Variants in RINL observed in about 807,000 individuals in gnomAD.
RINL encodes the protein Ras and Rab interactor like.
RINL carries 39 observed loss-of-function variants against 58.1 expected under a neutral mutation model. The ratio of observed to expected loss-of-function variants is 0.67; its 90% CI spans 0.52 to 0.88. The LOEUF (loss-of-function observed/expected upper bound fraction) is 0.88. RINL is among the 40% of genes least tolerant of loss of function. The probability of loss-of-function intolerance (pLI) is 0.00; values close to 1 mark genes in which losing one functional copy is unlikely to be tolerated. For synonymous variants in RINL, 286 were observed against 323.1 expected (o/e 0.89, Z 1.23); for missense variants, 711 against 749.2 (o/e 0.95, Z 0.60).
At chr19:38,872,780 A>G (rs1428438235) in intron 4 of RINL, among the ~76,000 whole-genome samples, 2 of 152,210 alleles carry the variant, frequency 1.3e-5, no homozygotes, top group African/African-American at 4.8e-5. Flanking sequence ...CCTAATGTAG[A>G]TCATGGGTTG....
chr19:38,871,928 C>T (rs1972825004), intron 4 of RINL, 58 bp from the exon 5 acceptor site: 3 of 1,308,958 alleles, frequency 2.3e-6, no homozygotes, highest in Admixed American at 3.7e-5. Flanking sequence ...GTTTTCTGTC[C>T]CCTGGGATGC....
rs1466001216 is a variant in RINL at position 38,869,733 on chromosome 19, A to C, written c.1343-29T>G. ...GGAAAACCAGAGGAAAGGTCTTGAG[A>C]TGGATCCCCATCTCAAGGCGCGTAG... On this transcript the variant is annotated intron_variant, in intron 9 of 11. Transcript: ENST00000591812. This position sits in a 1 kb window ranked among gnomAD's most constrained non-coding sequence, Gnocchi z 5.7. 15 of 1,612,742 alleles carry C rather than the reference A, an allele frequency of 9.3e-6. No homozygotes were observed. Among genetic ancestry groups the C allele is most frequent in the Admixed American group, 8.4e-5 (5 of 59,872 alleles).
chr19:38,871,255 C>T (rs1366208789), intron 6 of RINL, 28 bp from the exon 7 acceptor site: 41 of 1,613,450 alleles, frequency 2.5e-5, no homozygotes, highest in Non-Finnish European at 3.5e-5. Flanking sequence ...GAGAAGGTGT[C>T]CTAGGTATCC....
Position 38,870,016 on chromosome 19 carries a change from C to G in RINL, c.1269G>C (p.Pro423=). 6.3e-7 allele frequency: 1 copy of G among 1,580,554 alleles called. No individual in the cohort carries two copies. The highest frequency in any genetic ancestry group is 8.6e-7 in the Non-Finnish European group (1 of 1,166,062). The change falls in exon 9 of 12, where the codon CCG becomes CCC. Residue 423 remains proline (P), a synonymous_variant. Coordinates refer to ENST00000591812, the MANE Select transcript of RINL (RefSeq NM_001195833.2). The surrounding 1 kb of genome is among the most constrained non-coding windows in gnomAD (Gnocchi z 5.8). ...CCAAGAGGAGCGCCACCTTGCGGCGCGGGGCGCAGGCAGCGTGGAGGTGCG... is the reference window on the plus strand; with the variant it reads ...CCAAGAGGAGCGCCACCTTGCGGCGGGGGGCGCAGGCAGCGTGGAGGTGCG... ...RLAHLHAACA[P]RRKVALLLEV...
chr19:38,869,310 G>A lies in RINL; in HGVS notation c.1575C>T (p.Arg525=), dbSNP rs948506321. The part of the protein sequence containing the change: ...RAPRGLSSEA[R]ASLHQWHRRR... ...TGCGGTGCCACTGGTGCAGGGAGGC[G>A]CGGGCCTCGGAGCTGAGCCCCCGGG... The change falls in exon 11 of 12, where the codon CGC becomes CGT. Residue 525 remains arginine, a synonymous_variant. Coordinates refer to ENST00000591812, the MANE Select transcript of RINL (RefSeq NM_001195833.2). This position sits in a 1 kb window ranked among gnomAD's most constrained non-coding sequence, Gnocchi z 5.7. 6.2e-7 allele frequency: 1 copy of A among 1,614,096 alleles called. No homozygotes were observed. Among genetic ancestry groups the A allele is most frequent in the Admixed American group, 1.7e-5 (1 of 60,024 alleles).
At chr19:38,874,423 C>T (rs1390855180) in intron 3 of RINL, among the ~76,000 whole-genome samples, 1 of 152,170 alleles carries the variant, frequency 6.6e-6, no homozygotes, top group African/African-American at 2.4e-5. Context: ...CGGGCGACTG[C>T]CACCACGCCC....
Position 38,870,464 on chromosome 19 carries a change from G to T in RINL, c.1024+106C>A. 1 of 1,313,066 alleles carries T rather than the reference G, an allele frequency of 7.6e-7. No homozygotes were observed. The highest frequency in any genetic ancestry group is 1.0e-6 in the Non-Finnish European group (1 of 980,892). 81.3% of individuals were successfully genotyped at this position (1,313,066 alleles called of 1,614,324 possible). On this transcript the variant is annotated intron_variant, in intron 8 of 11. Transcript: ENST00000591812. This position sits in a 1 kb window ranked among gnomAD's most constrained non-coding sequence, Gnocchi z 5.8. The stretch of plus-strand genomic sequence containing the variant: ...ACGTGGGCGATAGAACGCGTGGGAT[G>T]TGTAGGAAGGGCGTGTGGGTGCAGA...
At position 38,869,876 on chromosome 19, in the gene RINL, C is replaced by A; in HGVS notation, c.1342+67G>T. 6.5e-7 allele frequency: 1 copy of A among 1,536,548 alleles called. No individual in the cohort carries two copies. The highest frequency in any genetic ancestry group is 8.8e-7 in the Non-Finnish European group (1 of 1,141,996). On this transcript the variant is annotated intron_variant, in intron 9 of 11. Transcript: ENST00000591812. This position sits in a 1 kb window ranked among gnomAD's most constrained non-coding sequence, Gnocchi z 5.7. Reference sequence around the variant, plus strand: ...GCATAGATTCCTCCCACCAGTGCTACCCTCTCCCGCCTGGCTCCAACTCTC... The same window carrying A: ...GCATAGATTCCTCCCACCAGTGCTAACCTCTCCCGCCTGGCTCCAACTCTC...
intron 1 of RINL, among the ~76,000 whole-genome samples, chr19:38,877,441 T>A (rs756858719): frequency 5.3e-5 from 8 of 152,158 alleles, no homozygotes; most frequent in Non-Finnish European, 1.2e-4. Context: ...GAGTAGGCAG[T>A]CCCTATATCT....
intron 1 of RINL, among the ~76,000 whole-genome samples, chr19:38,877,288 G>A (rs1179926145): frequency 6.6e-6 from 1 of 152,138 alleles, no homozygotes; most frequent in Non-Finnish European, 1.5e-5. Flanking sequence ...TGTGTCTTGC[G>A]GTGTGGGGAG....
At chr19:38,874,492 T>C (rs994542508) in intron 3 of RINL, among the ~76,000 whole-genome samples, 6 of 152,218 alleles carry the variant, frequency 3.9e-5, no homozygotes, top group Non-Finnish European at 8.8e-5. Context: ...CAGGCTAGTC[T>C]TGAACTCCTG....
In RINL at chr19:38,870,740, A is replaced by G. The variant is rs1161363036; in HGVS notation, c.854T>C (p.Ile285Thr). The G allele has an allele frequency of 7.4e-6, 12 of 1,613,274 alleles. No homozygotes were observed. Among genetic ancestry groups the G allele is most frequent in the Admixed American group, 1.7e-5 (1 of 59,976 alleles). The change falls in exon 8 of 12, where the codon ATC (isoleucine) becomes ACC (threonine). Residue 285 changes from isoleucine to threonine, a missense_variant. Transcript: ENST00000591812. This position sits in a 1 kb window ranked among gnomAD's most constrained non-coding sequence, Gnocchi z 5.8. ...ARQYRSLRVR[I>T]ASDSGGPHGS... ...GTGGGGACCCCCAGAATCTGAGGCGATGCGCACCCGAAGGCTTCGGTACTG... is the reference window on the plus strand; with the variant it reads ...GTGGGGACCCCCAGAATCTGAGGCGGTGCGCACCCGAAGGCTTCGGTACTG...
chr19:38,871,512 G>GC, intron 6 of RINL, 135 bp downstream of exon 6: 1 of 833,068 alleles, frequency 1.2e-6, no homozygotes, highest in Non-Finnish European at 1.9e-6. Flanking sequence ...CAAAGTCCAG[G>GC]CCCCCAGCTC....
chr19:38,871,567 G>T, intron 6 of RINL, 80 bp downstream of exon 6: 1 of 1,323,416 alleles, frequency 7.6e-7, no homozygotes, highest in South Asian at 1.3e-5. Flanking sequence ...CAGTAGTCTG[G>T]GCCCCAAAGC....
At position 38,868,985 on chromosome 19, in the gene RINL, A is replaced by G; in HGVS notation, c.*119T>C. On this transcript the variant is annotated 3_prime_UTR_variant, in exon 12 of 12. Coordinates refer to ENST00000591812, the MANE Select transcript of RINL (RefSeq NM_001195833.2). Reference sequence around the variant, plus strand: ...ATTTTTGTTTTTTTTTTTTTTTGGTAGATGGGGGTCCCACTGTTTTGCCCA... The same window carrying G: ...ATTTTTGTTTTTTTTTTTTTTTGGTGGATGGGGGTCCCACTGTTTTGCCCA... 3 of 682,530 alleles carry G rather than the reference A, an allele frequency of 4.4e-6. No homozygotes were observed. The highest frequency in any genetic ancestry group is 3.1e-5 in the South Asian group (1 of 31,922). The allele number at this position is 682,530 out of a possible 1,614,324, so 42.3% of individuals were successfully genotyped here.
chr19:38,869,126 A>G lies in RINL; in HGVS notation c.1679T>C (p.Val560Ala). 6.2e-7 allele frequency: 1 copy of G among 1,609,966 alleles called. No homozygotes were observed. Among genetic ancestry groups the G allele is most frequent in the South Asian group, 1.1e-5 (1 of 90,858 alleles). Residue 560 changes from valine to alanine, a missense_variant, in exon 12 of 12, where the codon GTG (valine) becomes GCG (alanine). Val to Ala is a moderately conservative substitution (Grantham distance 64, BLOSUM62 0). Transcript: ENST00000591812. This position sits in a 1 kb window ranked among gnomAD's most constrained non-coding sequence, Gnocchi z 5.7. ...PFKEPWAEET[V>A]TGTSDN ...CCCCTAGTTGTCACTGGTCCCTGTC[A>G]CAGTCTCTTCTGCCCATGGCTCCTT... is the stretch of plus-strand genomic sequence containing the variant.
At position 38,868,972 on chromosome 19, in the gene RINL, T is replaced by G. The variant is rs558206462; in HGVS notation, c.*132A>C. ...CCACGCCCGGCTAATTTTTGTTTTT[T>G]TTTTTTTTTGGTAGATGGGGGTCCC... On this transcript the variant is annotated 3_prime_UTR_variant, in exon 12 of 12. Transcript: ENST00000591812. 101 of 806,460 alleles carry G rather than the reference T, an allele frequency of 1.3e-4. No homozygotes were observed. Among genetic ancestry groups the G allele is most frequent in the Admixed American group, 5.1e-4 (17 of 33,606 alleles). 50.0% of individuals were successfully genotyped at this position (806,460 alleles called of 1,614,324 possible). A position where few individuals can be genotyped will look rare whatever the true frequency, so the allele number is the denominator to read the frequency against.
rs77507541 is a variant in RINL, at chr19:38,871,277, C to G, written c.452-50G>C. On this transcript the variant is annotated intron_variant, in intron 6 of 11. Transcript: ENST00000591812. The stretch of plus-strand genomic sequence containing the variant: ...TGTCCTAGGTATCCAAGGGACCAAC[C>G]CTGGTCCCCTCAAGGCGCCAGGAGA... The G allele has an allele frequency of 0.013, 20,640 of 1,599,288 alleles. 1,087 individuals are homozygous for G. The African/African-American group carries it at 0.16, about 13-fold the overall frequency.
intron 6 of RINL, 183 bp from the exon 7 acceptor site, chr19:38,871,410 C>T (rs971826229): frequency 2.1e-5 from 15 of 709,384 alleles, no homozygotes; most frequent in South Asian, 1.5e-4. Flanking sequence ...TAGGCCCAGG[C>T]GTCCGGGACC....
Sources: gnomAD v4.1 joint callset for allele counts (sites outside exome capture counted in the v4.1 genomes callset) on GRCh38, gnomAD v4.1.1 for gene constraint, Gnocchi (gnomAD v3.1) non-coding constraint, MANE v1.5 for transcripts, NCBI Gene and HGNC (gene_info 2026-07-23, HGNC 2026-07-21) for gene names.